DTHD1: variants seen among roughly 807,000 people sequenced by gnomAD.
The protein encoded by DTHD1 is death domain-containing protein 1.
DTHD1 carries 59 observed loss-of-function variants against 74.8 expected under a neutral mutation model. The ratio of observed to expected loss-of-function variants is 0.79; its 90% CI spans 0.64 to 0.98. The LOEUF (loss-of-function observed/expected upper bound fraction) is 0.98, where lower values mean the gene tolerates loss of function less well. DTHD1 is among the 50% of genes least tolerant of loss of function. DTHD1 has a pLI of 0.00. For synonymous variants in DTHD1, 365 were observed against 371.1 expected, an observed-to-expected ratio of 0.98 and a Z score of 0.19; for missense variants, 1,051 against 1,065.4, an observed-to-expected ratio of 0.99 and a Z score of 0.19.
At chr4:36,329,768 C>T (rs191938865) in intron 8 of DTHD1, among the ~76,000 whole-genome samples, 251 of 152,282 alleles carry the variant, frequency 1.6e-3, no homozygotes, top group Admixed American at 5.7e-3. Context: ...CTGAGTAGAA[C>T]TCAGGTTGTT....
intron 4 of DTHD1, among the ~76,000 whole-genome samples, chr4:36,294,395 T>C (rs1325279956): frequency 6.6e-6 from 1 of 151,964 alleles, no homozygotes; most frequent in Non-Finnish European, 1.5e-5. Context: ...TCTTAGCTAT[T>C]TTTTATTTTT....
intron 5 of DTHD1, among the ~76,000 whole-genome samples, chr4:36,297,057 A>G (rs766580185): frequency 6.6e-6 from 1 of 152,228 alleles, no homozygotes; most frequent in African/African-American, 2.4e-5. Flanking sequence ...AATCATAAGG[A>G]AGAGAAAATA....
intron 5 of DTHD1, among the ~76,000 whole-genome samples, chr4:36,303,852 C>T (rs554828139): frequency 2.0e-5 from 3 of 152,304 alleles, no homozygotes; most frequent in Non-Finnish European, 4.4e-5. Context: ...ATAGAACAGC[C>T]ACTGTTCGGT....
chr4:36,309,374 C>T (rs1038722786), intron 7 of DTHD1, among the ~76,000 whole-genome samples: 1 of 152,200 alleles, frequency 6.6e-6, no homozygotes, highest in African/African-American at 2.4e-5. Flanking sequence ...ATCACTTGAA[C>T]CCGGGAGGCG....
chr4:36,290,936 T>C (rs1756041384), intron 3 of DTHD1, among the ~76,000 whole-genome samples: 1 of 152,184 alleles, frequency 6.6e-6, no homozygotes, highest in Non-Finnish European at 1.5e-5. Flanking sequence ...CCAAATGTTA[T>C]TTTTTTCACC....
intron 8 of DTHD1, among the ~76,000 whole-genome samples, chr4:36,332,122 T>C (rs1045978865): frequency 1.3e-5 from 2 of 151,780 alleles, no homozygotes; most frequent in Non-Finnish European, 2.9e-5. Flanking sequence ...GAGGCAGAGG[T>C]TGCAGTGAGT....
chr4:36,343,648 C>T lies in DTHD1; in HGVS notation c.2545C>T (p.His849Tyr), dbSNP rs1578504612. 1 of 1,551,908 alleles carries T rather than the reference C, an allele frequency of 6.4e-7. No individual in the cohort carries two copies. The highest frequency in any genetic ancestry group is 8.7e-7 in the Non-Finnish European group (1 of 1,146,974). ...KNPDDLTEQI[H>Y]EFLCFWKKSL... is the part of the protein sequence containing the mutation. The stretch of plus-strand genomic sequence containing the variant: ...CCCTGATGATCTCACAGAACAGATC[C>T]ACGAGTTTCTTTGCTTCTGGAAAAA... Residue 849 changes from histidine to tyrosine, a missense_variant, in exon 10 of 10, where the codon CAC becomes TAC. His to Tyr is a moderately conservative substitution (Grantham distance 83, BLOSUM62 2). Transcript: ENST00000639862.
chr4:36,338,293 G>A (rs913669502), intron 8 of DTHD1, among the ~76,000 whole-genome samples: 2 of 152,080 alleles, frequency 1.3e-5, no homozygotes, highest in Non-Finnish European at 2.9e-5. Flanking sequence ...ATGTATCAAT[G>A]TTTTGTTTTA....
intron 1 of DTHD1, among the ~76,000 whole-genome samples, chr4:36,282,798 A>G (rs1467352516): frequency 6.6e-6 from 1 of 152,212 alleles, no homozygotes; most frequent in Non-Finnish European, 1.5e-5. Context: ...TAAAGGGCAA[A>G]TAGTGGGCAT....
chr4:36,303,888 C>G (rs1756907039), intron 5 of DTHD1, among the ~76,000 whole-genome samples: 1 of 152,188 alleles, frequency 6.6e-6, no homozygotes, highest in Non-Finnish European at 1.5e-5. Flanking sequence ...AGAAGAAAGA[C>G]CTTTGGATAG....
intron 7 of DTHD1, 96 bp downstream of exon 7, chr4:36,308,589 A>G: frequency 9.8e-7 from 1 of 1,022,340 alleles, no homozygotes; most frequent in East Asian, 2.6e-5. Flanking sequence ...GGAAACCTTC[A>G]GAGGATTGAC....
In DTHD1 at chr4:36,345,723, AC is replaced by A. The variant is rs943347883; in HGVS notation, c.*1900del. 3 of 152,228 alleles carry A rather than the reference AC, an allele frequency of 2.0e-5. No individual in the cohort carries two copies. The highest frequency in any genetic ancestry group is 2.0e-4 in the Admixed American group (3 of 15,282). The allele number at this position is 152,228 out of a possible 1,614,324, so 9.4% of individuals were successfully genotyped here. A position where few individuals can be genotyped will look rare whatever the true frequency, so the allele number is the denominator to read the frequency against. On this transcript the variant is annotated 3_prime_UTR_variant, in exon 10 of 10. Coordinates refer to ENST00000639862, the MANE Select transcript of DTHD1 (RefSeq NM_001170700.3). ...TCATTGTTTTCCTGATTACAATCGAACAAAAAAGTAAAGAAAATGAAAGTTG... is the reference window on the plus strand; with the variant it reads ...TCATTGTTTTCCTGATTACAATCGAAAAAAAAGTAAAGAAAATGAAAGTTG...
At chr4:36,310,898 G>A (rs907327409) in intron 7 of DTHD1, among the ~76,000 whole-genome samples, 6 of 152,108 alleles carry the variant, frequency 3.9e-5, no homozygotes, top group African/African-American at 4.8e-5. Flanking sequence ...GGGTGGAAGA[G>A]GCCCCTTCCT....
At chr4:36,325,359 A>T (rs1428451499) in intron 8 of DTHD1, among the ~76,000 whole-genome samples, 1 of 152,210 alleles carries the variant, frequency 6.6e-6, no homozygotes, top group Non-Finnish European at 1.5e-5. Flanking sequence ...AATTAAGTTG[A>T]TCTTTTATCT....
At chr4:36,287,969 G>A (rs1008436856) in intron 2 of DTHD1, among the ~76,000 whole-genome samples, 12 of 152,160 alleles carry the variant, frequency 7.9e-5, no homozygotes, top group African/African-American at 2.7e-4. Flanking sequence ...ATGTTGCTGT[G>A]TAGAAGCTTT....
chr4:36,329,336 G>T (rs1758534230), intron 8 of DTHD1, among the ~76,000 whole-genome samples: 1 of 152,158 alleles, frequency 6.6e-6, no homozygotes, highest in Non-Finnish European at 1.5e-5. Context: ...GGCTTCCTCA[G>T]CCATCTTGAT....
Position 36,293,157 on chromosome 4 carries a change from T to C in DTHD1, c.1219-369T>C, listed in dbSNP as rs184047988. Among the ~76,000 whole-genome samples, 33 of 152,350 alleles carry C rather than the reference T, an allele frequency of 2.2e-4. No individual in the cohort carries two copies. The East Asian group carries it at 6.2e-3, about 28-fold the overall frequency. ...GGATTCCCTAGAACAGTGTTGAATG[T>C]TTTGGATAAAGGTCAATATTTAAAA... is the stretch of plus-strand genomic sequence containing the variant. On this transcript the variant is annotated intron_variant, in intron 3 of 9. Transcript: ENST00000639862.
chr4:36,312,090 A>T (rs889379568), intron 7 of DTHD1, among the ~76,000 whole-genome samples: 2 of 152,184 alleles, frequency 1.3e-5, no homozygotes, highest in African/African-American at 4.8e-5. Flanking sequence ...AAGCTACAGC[A>T]AGCTTTCATT....
In DTHD1 at chr4:36,295,016, G is replaced by T; in HGVS notation, c.1620G>T (p.Arg540Ser). The T allele has an allele frequency of 1.3e-6, 2 of 1,543,622 alleles. No homozygotes were observed. Among genetic ancestry groups the T allele is most frequent in the Non-Finnish European group, 1.8e-6 (2 of 1,141,256 alleles). The part of the protein sequence containing the change: ...HKRRASATIN[R>S]ITPSYFNRTK... The stretch of plus-strand genomic sequence containing the variant: ...GAAGAGCAAGTGCCACAATAAATAG[G>T]ATTACACCTTCGTATTTCAACCGGT... Residue 540 changes from arginine (R) to serine (S), a missense_variant, in exon 5 of 10, where the codon AGG becomes AGT. Arg to Ser is a moderately radical substitution (Grantham distance 110). Coordinates refer to ENST00000639862, the MANE Select transcript of DTHD1 (RefSeq NM_001170700.3).
Sources: allele counts gnomAD v4.1 joint callset (sites outside exome capture counted in the v4.1 genomes callset), GRCh38; gene constraint gnomAD v4.1.1; transcripts MANE v1.5; gene names NCBI Gene and HGNC (gene_info 2026-07-23, HGNC 2026-07-21).